DMD: variants seen among roughly 807,000 people sequenced by gnomAD.
DMD encodes mutant dystrophin.
A neutral mutation model predicts 330.1 loss-of-function variants in DMD; 63 were observed. The ratio of observed to expected loss-of-function variants is 0.19; its 90% CI spans 0.16 to 0.24. The LOEUF (loss-of-function observed/expected upper bound fraction) is 0.24, where lower values mean the gene tolerates loss of function less well. Among genes scored for constraint, DMD ranks in the 10% least tolerant of loss-of-function variants. The probability of loss-of-function intolerance (pLI) is 1.00; values close to 1 mark genes in which losing one functional copy is unlikely to be tolerated. For synonymous variants in DMD, 1,223 were observed against 959.8 expected, an observed-to-expected ratio of 1.27 and a Z score of -5.07; for missense variants, 3,344 against 2,684.1, an observed-to-expected ratio of 1.25 and a Z score of -5.43.
chrX:31,195,493 T>C (rs2042777107), intron 67 of DMD, among the ~76,000 whole-genome samples: 1 of 111,800 alleles, frequency 8.9e-6, no homozygotes. Flanking sequence ...TGGAATATAC[T>C]TTCCCAAGTG....
At chrX:32,490,434 C>A (rs2042888156) in intron 20 of DMD, among the ~76,000 whole-genome samples, 2 of 111,080 alleles carry the variant, frequency 1.8e-5, no homozygotes, top group African/African-American at 6.5e-5. Flanking sequence ...TCTTGTTTGC[C>A]CCTCCAGATC....
chrX:32,454,921 A>G, intron 25 of DMD, 89 bp from the exon 26 acceptor site: 2 of 1,041,430 alleles, frequency 1.9e-6, no homozygotes, highest in Non-Finnish European at 2.6e-6. Context: ...AATAACAGAA[A>G]GCTTAGATAG....
At chrX:31,478,010 C>G (rs1265136926) in intron 59 of DMD, 96 bp downstream of exon 59, 2 of 1,002,763 alleles carry the variant, frequency 2.0e-6, no homozygotes, top group Non-Finnish European at 2.7e-6. Context: ...ATTTCTCTAG[C>G]TTTAACTTTG....
At chrX:32,683,881 A>G (rs773337194) in intron 9 of DMD, among the ~76,000 whole-genome samples, 1 of 110,382 alleles carries the variant, frequency 9.1e-6, no homozygotes, top group East Asian at 2.9e-4. Context: ...AGGGCCACTG[A>G]GTAATAATGA....
At chrX:31,739,076 A>G (rs1028286245) in intron 51 of DMD, among the ~76,000 whole-genome samples, 23 of 111,971 alleles carry the variant, frequency 2.1e-4, no homozygotes, top group African/African-American at 7.1e-4. Flanking sequence ...ACATTAATTA[A>G]AAGAGTATAA....
At chrX:31,175,903 T>C (rs981280799) in intron 71 of DMD, among the ~76,000 whole-genome samples, 3 of 111,653 alleles carry the variant, frequency 2.7e-5, no homozygotes, top group African/African-American at 9.7e-5. Context: ...ATGTTAGCTT[T>C]AGTTTTAAAG....
intron 1 of DMD, among the ~76,000 whole-genome samples, chrX:33,224,580 G>A (rs1208468666): frequency 9.0e-6 from 1 of 111,229 alleles, no homozygotes; most frequent in Non-Finnish European, 1.9e-5. Flanking sequence ...AGGGAGGCAT[G>A]ACTAGGCAGA....
At position 31,929,653 on chromosome X, in the gene DMD, T is replaced by C. The variant is rs766079487; in HGVS notation, c.6855A>G (p.Pro2285=). ...TATTTTCAAGTTTATCTTGCTCTTC[T>C]GGGCTTATGGGAGCACTTACAAGCA... is the stretch of plus-strand genomic sequence containing the variant. ...GPVLVSAPIS[P]EEQDKLENKL... The change falls in exon 47 of 79, where the codon CCA becomes CCG. Residue 2285 remains proline, a synonymous_variant. Coordinates refer to ENST00000357033, the MANE Select transcript of DMD (RefSeq NM_004006.3). 4 of 1,211,461 alleles carry C rather than the reference T, an allele frequency of 3.3e-6. No individual in the cohort carries two copies. In the Admixed American group the frequency reaches 8.7e-5, roughly 26 times the overall value.
In DMD at chrX:32,735,089, A is replaced by G. The variant is rs371069044; in HGVS notation, c.650-35796T>C. Among the ~76,000 whole-genome samples, 519 of 110,052 alleles carry G rather than the reference A, an allele frequency of 4.7e-3. 12 individuals carry two copies. Among genetic ancestry groups the G allele is most frequent in the African/African-American group, 0.016 (490 of 29,758 alleles). Reference sequence around the variant, plus strand: ...AAGTCTCAGGATACAAAATCAATGTACAAAAATCACAAGCATTCTTATACA... The same window carrying G: ...AAGTCTCAGGATACAAAATCAATGTGCAAAAATCACAAGCATTCTTATACA... On this transcript the variant is annotated intron_variant, in intron 7 of 78. Coordinates refer to ENST00000357033, the MANE Select transcript of DMD (RefSeq NM_004006.3).
chrX:32,818,135 C>A (rs140118537), intron 5 of DMD, among the ~76,000 whole-genome samples: 281 of 111,852 alleles, frequency 2.5e-3, no homozygotes, highest in African/African-American at 8.7e-3. Flanking sequence ...TGCTAAATTA[C>A]GGTTGGAATC....
At chrX:31,363,711 A>G (rs1028142791) in intron 60 of DMD, among the ~76,000 whole-genome samples, 4 of 111,831 alleles carry the variant, frequency 3.6e-5, no homozygotes, top group African/African-American at 6.5e-5. Context: ...AGGTTTCTCA[A>G]CTTCAGCATT....
At chrX:32,156,845 A>G (rs969582148) in intron 44 of DMD, among the ~76,000 whole-genome samples, 1 of 111,635 alleles carries the variant, frequency 9.0e-6, no homozygotes, top group Non-Finnish European at 1.9e-5. Flanking sequence ...GCAAGCTGGC[A>G]TGGAACCAAG....
chrX:31,359,133 AG>A (rs1292961202), intron 60 of DMD, among the ~76,000 whole-genome samples: 1 of 112,331 alleles, frequency 8.9e-6, no homozygotes, highest in African/African-American at 3.2e-5. Context: ...TAAGAAAACA[AG>A]GGGATGGTCT....
intron 51 of DMD, among the ~76,000 whole-genome samples, chrX:31,740,811 A>C (rs766234978): frequency 9.0e-6 from 1 of 111,520 alleles, no homozygotes; most frequent in African/African-American, 3.3e-5. Flanking sequence ...GACAACAACG[A>C]AGTTTGCTGC....
At chrX:32,127,092 T>A (rs1371329745) in intron 44 of DMD, among the ~76,000 whole-genome samples, 1 of 111,596 alleles carries the variant, frequency 9.0e-6, no homozygotes, top group Non-Finnish European at 1.9e-5. Flanking sequence ...AACAACTCTG[T>A]CCAAACCCTT....
At chrX:31,593,658 A>C (rs1001531793) in intron 55 of DMD, among the ~76,000 whole-genome samples, 10 of 110,877 alleles carry the variant, frequency 9.0e-5, no homozygotes, top group African/African-American at 3.3e-4. Context: ...GACTTTATAG[A>C]TTTTATTTGA....
intron 1 of DMD, among the ~76,000 whole-genome samples, chrX:33,060,208 T>G (rs1313648307): frequency 3.6e-5 from 4 of 110,373 alleles, no homozygotes; most frequent in Non-Finnish European, 7.6e-5. Context: ...AGGAACAGGG[T>G]AGGGGTCAGT....
chrX:31,511,275 A>AACATAACATC, intron 55 of DMD, among the ~76,000 whole-genome samples: 1 of 108,229 alleles, frequency 9.2e-6, no homozygotes, highest in East Asian at 2.8e-4. Flanking sequence ...AACATAATAT[A>AACATAACATC]ATACTACCAT....
chrX:32,992,119 T>G (rs77066359), intron 2 of DMD, among the ~76,000 whole-genome samples: 2,165 of 112,040 alleles, frequency 0.019, 35 homozygotes, highest in Non-Finnish European at 0.028. Context: ...GAGAAAACAA[T>G]CAAAAGCTTT....
Sources: allele counts gnomAD v4.1 joint callset (sites outside exome capture counted in the v4.1 genomes callset), GRCh38; gene constraint gnomAD v4.1.1; transcripts MANE v1.5; gene names NCBI Gene and HGNC (gene_info 2026-07-23, HGNC 2026-07-21).